The following MAN1C1 variants were observed in gnomAD, a reference collection of about 807,000 sequenced individuals.
MAN1C1 encodes the protein mannosidase alpha class 1C member 1.
Under a neutral mutation model 71.5 loss-of-function variants are expected in MAN1C1, and 49 were observed. That is an observed-to-expected ratio of 0.69 (90% CI 0.54 to 0.87). MAN1C1 has a LOEUF of 0.87. Ranked by LOEUF, MAN1C1 falls within the 40% of genes least tolerant of loss-of-function variation. The pLI, the probability that MAN1C1 is intolerant of heterozygous loss-of-function variation, is 0.00. For synonymous variants in MAN1C1, 352 were observed against 343.7 expected (o/e 1.02, Z -0.27); for missense variants, 743 against 835.0 (o/e 0.89, Z 1.36).
Position 25,775,390 on chromosome 1 carries a change from G to A in MAN1C1, c.1258-2715G>A, listed in dbSNP as rs950152685. ...CTTTTCCATCTGCCACTCAGTGTGG[G>A]TCCTGCAGCCAGCCCACCAGCCCTG... On this transcript the variant is annotated intron_variant, in intron 8 of 11. Transcript: ENST00000374332. This position sits in a 1 kb window ranked among gnomAD's most constrained non-coding sequence, Gnocchi z 5.1. Among the ~76,000 whole-genome samples the A allele has an allele frequency of 2.6e-5, 4 of 152,226 alleles. No homozygotes were observed. Among genetic ancestry groups the A allele is most frequent in the African/African-American group, 9.6e-5 (4 of 41,464 alleles).
rs1170681525 is a variant in MAN1C1 at position 25,735,139 on chromosome 1, G to A, written c.638-11529G>A. 2.6e-5 allele frequency among the ~76,000 whole-genome samples: 4 copies of A among 152,206 alleles called. No homozygotes were observed. The highest frequency in any genetic ancestry group is 1.3e-4 in the Admixed American group (2 of 15,284). On this transcript the variant is annotated intron_variant, in intron 2 of 11. Transcript: ENST00000374332. This position sits in a 1 kb window ranked among gnomAD's most constrained non-coding sequence, Gnocchi z 4.6. ...ACGATTAAGACATAGGCGGCCAGTCGCGGTGGCTCACGCCTGTTATCCCAG... is the reference window on the plus strand; with the variant it reads ...ACGATTAAGACATAGGCGGCCAGTCACGGTGGCTCACGCCTGTTATCCCAG...
intron 1 of MAN1C1, among the ~76,000 whole-genome samples, chr1:25,667,462 G>A (rs1275164865): frequency 1.4e-5 from 2 of 143,338 alleles, no homozygotes; most frequent in Admixed American, 1.4e-4. Flanking sequence ...TCCACCCTGG[G>A]CGATGGAGTG....
intron 2 of MAN1C1, among the ~76,000 whole-genome samples, chr1:25,715,245 C>G (rs1480249285): frequency 6.6e-6 from 1 of 152,140 alleles, no homozygotes; most frequent in Non-Finnish European, 1.5e-5. Context: ...CTATCCCTAA[C>G]TCATCCTCAT....
chr1:25,680,030 C>A (rs961005666), intron 1 of MAN1C1, among the ~76,000 whole-genome samples: 48 of 146,544 alleles, frequency 3.3e-4, no homozygotes, highest in Admixed American at 9.7e-4. Flanking sequence ...ATTCATATAC[C>A]ATAATATCTG....
At chr1:25,639,585 C>T (rs998222280) in intron 1 of MAN1C1, among the ~76,000 whole-genome samples, 2 of 152,144 alleles carry the variant, frequency 1.3e-5, no homozygotes, top group South Asian at 4.1e-4. Flanking sequence ...TATTTTCTAA[C>T]CTGCGGTTGG....
intron 1 of MAN1C1, among the ~76,000 whole-genome samples, chr1:25,678,923 T>C (rs949814549): frequency 1.2e-4 from 19 of 152,178 alleles, no homozygotes; most frequent in South Asian, 4.1e-4. Flanking sequence ...TCCTTCTCTT[T>C]TTCTGCTTTT....
At chr1:25,650,681 ATTCT>A (rs2045679048) in intron 1 of MAN1C1, among the ~76,000 whole-genome samples, 1 of 151,906 alleles carries the variant, frequency 6.6e-6, no homozygotes, top group African/African-American at 2.4e-5. Flanking sequence ...GTGTGTTCTC[ATTCT>A]TTCTTTCTGC....
intron 2 of MAN1C1, among the ~76,000 whole-genome samples, chr1:25,729,668 C>T (rs1180805147): frequency 2.0e-5 from 3 of 152,002 alleles, no homozygotes; most frequent in Admixed American, 6.6e-5. Context: ...CCCACCACCA[C>T]GCCCAGCTAA....
chr1:25,781,646 G>A (rs1165123132), intron 10 of MAN1C1, among the ~76,000 whole-genome samples: 1 of 152,154 alleles, frequency 6.6e-6, no homozygotes. Flanking sequence ...GCAGGTGTGG[G>A]GATTCCAGCA....
intron 1 of MAN1C1, among the ~76,000 whole-genome samples, chr1:25,652,702 C>G (rs1024564687): frequency 2.0e-5 from 3 of 152,242 alleles, no homozygotes; most frequent in Non-Finnish European, 4.4e-5. Flanking sequence ...ATTACTCAAC[C>G]TCTGCCTCAA....
chr1:25,683,359 T>A (rs569764597), intron 1 of MAN1C1, among the ~76,000 whole-genome samples: 1 of 152,354 alleles, frequency 6.6e-6, no homozygotes, highest in East Asian at 1.9e-4. Flanking sequence ...ATGTCTTGCC[T>A]GTGAAGCGTG....
rs566104114 is a variant in MAN1C1 at position 25,780,132 on chromosome 1, G to A, written c.1478-808G>A. On this transcript the variant is annotated intron_variant, in intron 9 of 11. Coordinates refer to ENST00000374332, the MANE Select transcript of MAN1C1 (RefSeq NM_020379.4). ...TCTCTGATCCTCAGTTTCCACATGC[G>A]TGAGAGGGATAGTAGCAATTACCTT... is the stretch of plus-strand genomic sequence containing the variant. Among the ~76,000 whole-genome samples, 232 of 152,312 alleles carry A rather than the reference G, an allele frequency of 1.5e-3. 4 individuals carry two copies. Among genetic ancestry groups the A allele is most frequent in the Non-Finnish European group, 2.6e-4 (18 of 68,016 alleles).
At chr1:25,698,446 G>A (rs2993234) in intron 2 of MAN1C1, among the ~76,000 whole-genome samples, 3,698 of 152,240 alleles carry the variant, frequency 0.024, 151 homozygotes, top group African/African-American at 0.082. Context: ...TCCTTCATGC[G>A]GGTGGTTGTT....
In MAN1C1 at chr1:25,686,497, C is replaced by G. The variant is rs147313933; in HGVS notation, c.598C>G (p.Arg200Gly). 6.2e-7 allele frequency: 1 copy of G among 1,614,208 alleles called. No homozygotes were observed. The highest frequency in any genetic ancestry group is 8.5e-7 in the Non-Finnish European group (1 of 1,180,046). Reference protein sequence around the residue: ...KRYAMGKNELRPLTKDGYEGN... With the variant: ...KRYAMGKNELGPLTKDGYEGN... ...TTATGCAATGGGGAAAAACGAACTC[C>G]GTCCACTAACAAAAGATGGCTACGA... The change falls in exon 2 of 12, where the codon CGT becomes GGT. Residue 200 changes from arginine to glycine, a missense_variant. Arg to Gly is a moderately radical substitution (Grantham distance 125). Coordinates refer to ENST00000374332, the MANE Select transcript of MAN1C1 (RefSeq NM_020379.4).
At chr1:25,671,658 T>G (rs2124133560) in intron 1 of MAN1C1, among the ~76,000 whole-genome samples, 1 of 152,306 alleles carries the variant, frequency 6.6e-6, no homozygotes, top group Admixed American at 6.5e-5. Flanking sequence ...TGGGTTGGTT[T>G]GTTCATTTGG....
At chr1:25,705,823 G>A (rs1001272251) in intron 2 of MAN1C1, among the ~76,000 whole-genome samples, 16 of 152,214 alleles carry the variant, frequency 1.1e-4, no homozygotes, top group Admixed American at 7.2e-4. Context: ...CATGCCAGTA[G>A]TCCTAGGTAT....
chr1:25,771,611 C>A, intron 7 of MAN1C1, 46 bp from the exon 8 acceptor site: 1 of 1,476,782 alleles, frequency 6.8e-7, no homozygotes, highest in Non-Finnish European at 9.5e-7. Context: ...CCCGTGAGAG[C>A]CGGCGGCAGA....
At chr1:25,755,663 T>G (rs543486560) in intron 5 of MAN1C1, among the ~76,000 whole-genome samples, 1 of 152,278 alleles carries the variant, frequency 6.6e-6, no homozygotes, top group South Asian at 2.1e-4. Context: ...AGAGGTGAGG[T>G]AACTTGCCTG....
chr1:25,682,623 T>C (rs1397941014), intron 1 of MAN1C1, among the ~76,000 whole-genome samples: 2 of 152,182 alleles, frequency 1.3e-5, no homozygotes, highest in Non-Finnish European at 2.9e-5. Context: ...CAGGAAGAAT[T>C]GTCTCCCCTG....
Sources: gnomAD v4.1 joint callset for allele counts (sites outside exome capture counted in the v4.1 genomes callset) on GRCh38, gnomAD v4.1.1 for gene constraint, Gnocchi (gnomAD v3.1) non-coding constraint, MANE v1.5 for transcripts, NCBI Gene and HGNC (gene_info 2026-07-23, HGNC 2026-07-21) for gene names.